The following PRSS35 variants were observed in gnomAD, a reference collection of about 807,000 sequenced individuals.
PRSS35 encodes serine protease 35.
PRSS35 carries 7 observed loss-of-function variants against 8.1 expected under a neutral mutation model. The ratio of observed to expected loss-of-function variants is 0.86; its 90% CI spans 0.49 to 1.62. The LOEUF (loss-of-function observed/expected upper bound fraction) is 1.62, where lower values mean the gene tolerates loss of function less well. PRSS35 is among the 40% of genes most tolerant of loss of function. The pLI, the probability that PRSS35 is intolerant of heterozygous loss-of-function variation, is 0.00. For synonymous variants in PRSS35, 199 were observed against 188.7 expected (o/e 1.05, Z -0.45); for missense variants, 566 against 518.0 (o/e 1.09, Z -0.90).
At chr6:83,520,556 T>C (rs4706180) in intron 1 of PRSS35, among the ~76,000 whole-genome samples, 43,482 of 152,080 alleles carry the variant, frequency 0.29, 8,263 homozygotes, top group African/African-American at 0.53. Context: ...CGTTCGTAAC[T>C]GCTGTGAGAA....
chr6:83,518,507 G>C (rs1158758273), intron 1 of PRSS35, among the ~76,000 whole-genome samples: 1 of 151,956 alleles, frequency 6.6e-6, no homozygotes, highest in Non-Finnish European at 1.5e-5. Flanking sequence ...ATAGCAATGA[G>C]AAAAATATAT....
chr6:83,524,156 G>A lies in PRSS35; in HGVS notation c.715G>A (p.Gly239Ser). The A allele has an allele frequency of 6.2e-7, 1 of 1,614,074 alleles. No homozygotes were observed. The highest frequency in any genetic ancestry group is 8.5e-7 in the Non-Finnish European group (1 of 1,180,018). ...GAGAAGAAGAAAAAAATCTGGCCGG[G>A]GTCAGAGGATTGCCGAAGGGAGGCC... ...GGRRRKKSGR[G>S]QRIAEGRPSF... is the part of the protein sequence containing the mutation. Residue 239 changes from glycine to serine, a missense_variant, in exon 2 of 2, where the codon GGT becomes AGT. Transcript: ENST00000369700.
chr6:83,514,743 T>A (rs981930289), intron 1 of PRSS35, among the ~76,000 whole-genome samples: 1 of 152,178 alleles, frequency 6.6e-6, no homozygotes, highest in Non-Finnish European at 1.5e-5. Flanking sequence ...GTGCTGTAGG[T>A]CATGCTGGAA....
At chr6:83,514,603 T>C (rs1771679459) in intron 1 of PRSS35, among the ~76,000 whole-genome samples, 1 of 152,224 alleles carries the variant, frequency 6.6e-6, no homozygotes, top group Non-Finnish European at 1.5e-5. Flanking sequence ...ATTCTCAGCC[T>C]AGAATCAGTG....
chr6:83,517,626 G>A (rs1041603901), intron 1 of PRSS35, among the ~76,000 whole-genome samples: 1 of 152,144 alleles, frequency 6.6e-6, no homozygotes, highest in African/African-American at 2.4e-5. Flanking sequence ...ATCTGGCCAG[G>A]CCCCAGTGTC....
In PRSS35 at chr6:83,523,586, G is replaced by A. The variant is rs763565235; in HGVS notation, c.145G>A (p.Ala49Thr). 1.6e-5 allele frequency: 26 copies of A among 1,614,010 alleles called. No homozygotes were observed. The highest frequency in any genetic ancestry group is 2.2e-5 in the South Asian group (2 of 91,086). The change falls in exon 2 of 2, where the codon GCA becomes ACA. Residue 49 changes from alanine (A) to threonine (T), a missense_variant. Ala to Thr is a moderately conservative substitution (Grantham distance 58, BLOSUM62 0). Coordinates refer to ENST00000369700, the MANE Select transcript of PRSS35 (RefSeq NM_153362.3). Reference sequence around the variant, plus strand: ...AAGGACTTTCCATCTCACCAGCCCCGCATTTGAGGCAGATGCTAAGATGAT... The same window carrying A: ...AAGGACTTTCCATCTCACCAGCCCCACATTTGAGGCAGATGCTAAGATGAT... Reference protein sequence around the residue: ...SERTFHLTSPAFEADAKMMVN... With the variant: ...SERTFHLTSPTFEADAKMMVN...
Position 83,524,253 on chromosome 6 carries a change from C to T in PRSS35, c.812C>T (p.Ala271Val). ...TGGGCACGAGGAGGCATGGGGGACG[C>T]TACCTTGGACTATGACTATGCTCTT... Reference protein sequence around the residue: ...KGWARGGMGDATLDYDYALLE... With the variant: ...KGWARGGMGDVTLDYDYALLE... Residue 271 changes from alanine to valine, a missense_variant, in exon 2 of 2, where the codon GCT becomes GTT. By Grantham distance (64) the Ala-to-Val change is moderately conservative (BLOSUM62 0). Transcript: ENST00000369700. 1 of 1,614,096 alleles carries T rather than the reference C, an allele frequency of 6.2e-7. No individual in the cohort carries two copies. The highest frequency in any genetic ancestry group is 8.5e-7 in the Non-Finnish European group (1 of 1,180,008).
At chr6:83,513,213 G>C (rs1771657480) in intron 1 of PRSS35, among the ~76,000 whole-genome samples, 1 of 152,166 alleles carries the variant, frequency 6.6e-6, no homozygotes, top group Admixed American at 6.5e-5. Flanking sequence ...GGTGGTGATG[G>C]TGGATGAAAC....
chr6:83,515,375 A>G (rs1244221216), intron 1 of PRSS35, among the ~76,000 whole-genome samples: 1 of 152,126 alleles, frequency 6.6e-6, no homozygotes, highest in Non-Finnish European at 1.5e-5. Flanking sequence ...TCCTACCACT[A>G]TGAAGTTTTA....
Position 83,513,372 on chromosome 6 carries a change from C to T in PRSS35, c.-21+678C>T, listed in dbSNP as rs183431783. Among the ~76,000 whole-genome samples the T allele has an allele frequency of 3.8e-3, 576 of 152,232 alleles. 10 individuals are homozygous for T. The highest frequency in any genetic ancestry group is 8.4e-4 in the Non-Finnish European group (57 of 68,008). On this transcript the variant is annotated intron_variant, in intron 1 of 1. Transcript: ENST00000369700. The stretch of plus-strand genomic sequence containing the variant: ...TTTTAAAAAGTTGTAGAAACACTCC[C>T]GCTTGATTGCTCTGACATTTTTACA...
At chr6:83,515,963 C>A (rs888553227) in intron 1 of PRSS35, among the ~76,000 whole-genome samples, 1 of 152,006 alleles carries the variant, frequency 6.6e-6, no homozygotes, top group African/African-American at 2.4e-5. Context: ...TACAGGTACA[C>A]AACAGCATGC....
chr6:83,522,642 G>A (rs558892000), intron 1 of PRSS35, among the ~76,000 whole-genome samples: 2 of 152,134 alleles, frequency 1.3e-5, no homozygotes, highest in Non-Finnish European at 2.9e-5. Context: ...TTTGTATGGA[G>A]CTTTGCTTAG....
In PRSS35 at chr6:83,524,388, G is replaced by A; in HGVS notation, c.947G>A (p.Arg316Lys). The A allele has an allele frequency of 6.2e-7, 1 of 1,614,208 alleles. No homozygotes were observed. The highest frequency in any genetic ancestry group is 1.1e-5 in the South Asian group (1 of 91,088). The change falls in exon 2 of 2, where the codon AGG becomes AAG. Residue 316 changes from arginine to lysine, a missense_variant. Arg to Lys is a conservative substitution (Grantham distance 26). Transcript: ENST00000369700. Reference sequence around the variant, plus strand: ...CACTTCTCAGGATTTGATAACGATAGGGCTGATCAGTTGGTCTATCGGTTT... The same window carrying A: ...CACTTCTCAGGATTTGATAACGATAAGGCTGATCAGTTGGTCTATCGGTTT... Reference protein sequence around the residue: ...MIHFSGFDNDRADQLVYRFCS... With the variant: ...MIHFSGFDNDKADQLVYRFCS...
chr6:83,519,963 C>G (rs193190739), intron 1 of PRSS35, among the ~76,000 whole-genome samples: 13 of 152,066 alleles, frequency 8.5e-5, no homozygotes, highest in Admixed American at 3.3e-4. Flanking sequence ...ACATATAAAC[C>G]TTATGAATTT....
rs1000870455 is a variant in PRSS35 at position 83,522,504 on chromosome 6, C to A, written c.-20-918C>A. On this transcript the variant is annotated intron_variant, in intron 1 of 1. Transcript: ENST00000369700. ...ATTTAAATAACACAAGAACACTGGTCTTAGATGGTGAGACCTACGGTGAAA... is the reference window on the plus strand; with the variant it reads ...ATTTAAATAACACAAGAACACTGGTATTAGATGGTGAGACCTACGGTGAAA... Among the ~76,000 whole-genome samples the A allele has an allele frequency of 2.0e-5, 3 of 152,158 alleles. No individual in the cohort carries two copies. The East Asian group carries it at 5.8e-4, about 29-fold the overall frequency.
At position 83,525,586 on chromosome 6, in the gene PRSS35, CTT is replaced by C. The variant is rs1771925180; in HGVS notation, c.*907_*908del. ...TCTGTAATCTTTTTCAAGAAAGAGT[CTT>C]TTTCTCCTTGACAAAATCCAGCTTT... is the stretch of plus-strand genomic sequence containing the variant. On this transcript the variant is annotated 3_prime_UTR_variant, in exon 2 of 2. Transcript: ENST00000369700. 1 of 167,054 alleles carries C rather than the reference CTT, an allele frequency of 6.0e-6. No individual in the cohort carries two copies. The highest frequency in any genetic ancestry group is 2.4e-5 in the African/African-American group (1 of 41,436). 10.3% of individuals were successfully genotyped at this position (167,054 alleles called of 1,614,324 possible).
At chr6:83,514,987 A>G (rs952238439) in intron 1 of PRSS35, among the ~76,000 whole-genome samples, 1 of 152,190 alleles carries the variant, frequency 6.6e-6, no homozygotes, top group African/African-American at 2.4e-5. Context: ...AATAAAATCT[A>G]TTTCACAGCT....
intron 1 of PRSS35, among the ~76,000 whole-genome samples, chr6:83,513,035 CG>C (rs1485432658): frequency 6.6e-6 from 1 of 152,094 alleles, no homozygotes; most frequent in Non-Finnish European, 1.5e-5. Context: ...GTCTCTTTGG[CG>C]GGGTTACTAT....
At chr6:83,522,386 C>G (rs1339160042) in intron 1 of PRSS35, among the ~76,000 whole-genome samples, 1 of 151,978 alleles carries the variant, frequency 6.6e-6, no homozygotes, top group African/African-American at 2.4e-5. Flanking sequence ...ATGTACATGC[C>G]AGTGAGCCTC....
Sources: gnomAD v4.1 joint callset for allele counts (sites outside exome capture counted in the v4.1 genomes callset) on GRCh38, gnomAD v4.1.1 for gene constraint, MANE v1.5 for transcripts, NCBI Gene and HGNC (gene_info 2026-07-23, HGNC 2026-07-21) for gene names.